The following PRKG1 variants were observed in gnomAD, a reference collection of about 807,000 sequenced individuals.
PRKG1 encodes protein kinase cGMP-dependent 1, also known as cGMP-dependent protein kinase 1.
In PRKG1, 35 loss-of-function variants were observed where a neutral mutation model predicts 88.1. That is an observed-to-expected ratio of 0.40 (90% CI 0.30 to 0.53). The LOEUF is 0.53. Among genes scored for constraint, PRKG1 ranks in the 20% least tolerant of loss-of-function variants. The probability of loss-of-function intolerance (pLI) is 0.59; values close to 1 mark genes in which losing one functional copy is unlikely to be tolerated. For missense variants in PRKG1, 540 were observed against 839.8 expected (o/e 0.64, Z 4.41); for synonymous variants, 303 against 292.5 (o/e 1.04, Z -0.37).
intron 3 of PRKG1, among the ~76,000 whole-genome samples, chr10:51,572,445 T>C (rs988410340): frequency 3.3e-5 from 5 of 151,784 alleles, no homozygotes; most frequent in African/African-American, 7.3e-5. Flanking sequence ...CCAGGCAGTA[T>C]GTTGGAATCT....
chr10:51,207,505 A>AT (rs541934470), intron 2 of PRKG1, among the ~76,000 whole-genome samples: 23 of 151,188 alleles, frequency 1.5e-4, no homozygotes, highest in Non-Finnish European at 2.2e-4. Context: ...CCTTATTATT[A>AT]TTTTTTTTTA....
At chr10:52,224,579 G>GACT (rs1840333573) in intron 9 of PRKG1, among the ~76,000 whole-genome samples, 1 of 110,396 alleles carries the variant, frequency 9.1e-6, no homozygotes, top group Non-Finnish European at 1.9e-5. Context: ...CATATTTGTA[G>GACT]TCTATCCTTC....
At chr10:51,913,582 G>C (rs1262084308) in intron 5 of PRKG1, among the ~76,000 whole-genome samples, 1 of 152,120 alleles carries the variant, frequency 6.6e-6, no homozygotes, top group East Asian at 1.9e-4. Flanking sequence ...TCTTTGAAAA[G>C]TTGTGTATAC....
At chr10:51,191,152 A>G (rs1837620929) in intron 2 of PRKG1, among the ~76,000 whole-genome samples, 1 of 151,866 alleles carries the variant, frequency 6.6e-6, no homozygotes, top group Admixed American at 6.6e-5. Flanking sequence ...AACAGAAAAT[A>G]TTAGTCCTCA....
At chr10:51,273,051 A>G (rs546567273) in intron 2 of PRKG1, among the ~76,000 whole-genome samples, 12 of 152,276 alleles carry the variant, frequency 7.9e-5, no homozygotes, top group Admixed American at 4.6e-4. Flanking sequence ...ATAAAGTTGA[A>G]TTTATATATT....
At chr10:51,014,790 A>C (rs1375781955) in intron 1 of PRKG1, among the ~76,000 whole-genome samples, 1 of 152,238 alleles carries the variant, frequency 6.6e-6, no homozygotes, top group Non-Finnish European at 1.5e-5. Context: ...AATTTTAGAC[A>C]GATGAAGGGC....
intron 5 of PRKG1, chr10:52,046,851 T>C (rs1485616249): frequency 1.3e-5 from 2 of 152,168 alleles, no homozygotes; most frequent in Non-Finnish European, 2.9e-5. Flanking sequence ...CCTAACCAGA[T>C]TGTGTATCTC....
chr10:51,660,947 G>C (rs989954657), intron 3 of PRKG1, among the ~76,000 whole-genome samples: 2 of 151,992 alleles, frequency 1.3e-5, no homozygotes, highest in Admixed American at 6.6e-5. Context: ...TTGGATTCAA[G>C]GAAATATAAA....
At chr10:52,209,518 G>A (rs10508965) in intron 9 of PRKG1, among the ~76,000 whole-genome samples, 13,114 of 152,120 alleles carry the variant, frequency 0.086, 1,109 homozygotes, top group African/African-American at 0.22. Flanking sequence ...AGTTTTTGCA[G>A]GGAATTGATG....
At chr10:51,159,465 C>T (rs1003407860) in intron 2 of PRKG1, among the ~76,000 whole-genome samples, 16 of 151,986 alleles carry the variant, frequency 1.1e-4, no homozygotes, top group Non-Finnish European at 2.4e-4. Context: ...CTTTATGGGA[C>T]CAAGCTTATA....
intron 2 of PRKG1, among the ~76,000 whole-genome samples, chr10:51,336,151 G>A (rs965182967): frequency 6.6e-5 from 10 of 152,006 alleles, no homozygotes; most frequent in African/African-American, 2.2e-4. Flanking sequence ...TCAGGAGTTT[G>A]AGACCAGCCT....
At chr10:52,158,428 G>A (rs527417037) in intron 8 of PRKG1, among the ~76,000 whole-genome samples, 2 of 151,718 alleles carry the variant, frequency 1.3e-5, no homozygotes, top group Non-Finnish European at 3.0e-5. Flanking sequence ...TCACACAGAT[G>A]TCAGGTGTTC....
chr10:51,049,906 A>C (rs1480898446), intron 1 of PRKG1, among the ~76,000 whole-genome samples: 3 of 152,156 alleles, frequency 2.0e-5, no homozygotes, highest in Admixed American at 2.0e-4. Flanking sequence ...GGTTGCAAAC[A>C]TTGTAATAAA....
In PRKG1 at chr10:51,797,516, TATAG is replaced by T. The variant is rs1178006277; in HGVS notation, c.593-7065_593-7062del. Among the ~76,000 whole-genome samples, 4 of 146,646 alleles carry T rather than the reference TATAG, an allele frequency of 2.7e-5. No individual in the cohort carries two copies. In the East Asian group the frequency reaches 7.8e-4, roughly 29 times the overall value. The stretch of plus-strand genomic sequence containing the variant: ...ATACATTATATATAAATATAGAATA[TATAG>T]ATAAATTTGTTGTATGTATTTAATA... On this transcript the variant is annotated intron_variant, in intron 3 of 17. Coordinates refer to ENST00000373980, the MANE Select transcript of PRKG1 (RefSeq NM_006258.4).
At chr10:51,231,172 C>T (rs1194287359) in intron 2 of PRKG1, among the ~76,000 whole-genome samples, 3 of 152,210 alleles carry the variant, frequency 2.0e-5, no homozygotes, top group East Asian at 1.9e-4. Context: ...ACATGTTTTA[C>T]GTTAAAAATT....
At chr10:52,205,067 C>T (rs553381488) in intron 9 of PRKG1, among the ~76,000 whole-genome samples, 12 of 152,200 alleles carry the variant, frequency 7.9e-5, no homozygotes, top group Non-Finnish European at 5.9e-5. Context: ...GGATGAAACA[C>T]GCCCTAATCT....
chr10:51,008,884 C>T (rs184042910), intron 1 of PRKG1, among the ~76,000 whole-genome samples: 1 of 152,270 alleles, frequency 6.6e-6, no homozygotes, highest in Admixed American at 6.5e-5. Context: ...CTGCCATTTC[C>T]ATCTGCCCTC....
At chr10:51,471,138 C>A (rs980965547) in intron 3 of PRKG1, among the ~76,000 whole-genome samples, 3 of 145,690 alleles carry the variant, frequency 2.1e-5, no homozygotes, top group African/African-American at 7.7e-5. Flanking sequence ...AAAAATTTAA[C>A]AACAGTCTTG....
intron 5 of PRKG1, among the ~76,000 whole-genome samples, chr10:51,929,661 T>C (rs1297165561): frequency 6.6e-6 from 1 of 152,160 alleles, no homozygotes; most frequent in Non-Finnish European, 1.5e-5. Flanking sequence ...TGAATTCTGA[T>C]ATAAATGTAA....
Sources: allele counts gnomAD v4.1 joint callset (sites outside exome capture counted in the v4.1 genomes callset), GRCh38; gene constraint gnomAD v4.1.1; transcripts MANE v1.5; gene names NCBI Gene and HGNC (gene_info 2026-07-23, HGNC 2026-07-21).